Variants in CA7 observed in about 807,000 individuals in gnomAD.
CA7 encodes carbonate dehydratase VII.
A neutral mutation model predicts 31.4 loss-of-function variants in CA7; 13 were observed. The observed-to-expected ratio is 0.41, with a 90% CI of 0.27 to 0.66. The LOEUF (loss-of-function observed/expected upper bound fraction) is 0.66. Ranked by LOEUF, CA7 falls within the 30% of genes least tolerant of loss-of-function variation. CA7 has a pLI of 0.28. For missense variants in CA7, 215 were observed against 351.0 expected (o/e 0.61, Z 3.10); for synonymous variants, 128 against 133.2 (o/e 0.96, Z 0.27).
intron 5 of CA7, among the ~76,000 whole-genome samples, chr16:66,852,113 A>G (rs981471078): frequency 1.3e-5 from 2 of 152,120 alleles, no homozygotes; most frequent in African/African-American, 2.4e-5. Context: ...GATCACAGAC[A>G]TTTGCTCACA....
rs1442932279 is a variant in CA7 at position 66,846,510 on chromosome 16, C to T, written c.41-520C>T. 2.6e-5 allele frequency among the ~76,000 whole-genome samples: 4 copies of T among 152,186 alleles called. No homozygotes were observed. The East Asian group carries it at 7.7e-4, about 29-fold the overall frequency. ...CATGCACACATGTGTGAGTGGCCCT[C>T]AGTTCCCTCATCTGTGAAATGGGGA... On this transcript the variant is annotated intron_variant, in intron 1 of 6. Coordinates refer to ENST00000338437, the MANE Select transcript of CA7 (RefSeq NM_005182.3).
At chr16:66,849,619 T>C (rs778775417) in intron 2 of CA7, among the ~76,000 whole-genome samples, 2 of 152,160 alleles carry the variant, frequency 1.3e-5, no homozygotes, top group African/African-American at 2.4e-5. Flanking sequence ...GTTTCAGACA[T>C]GGTAGGCCTA....
chr16:66,853,643 C>T lies in CA7; in HGVS notation c.*145C>T. 9.4e-7 allele frequency: 1 copy of T among 1,066,972 alleles called. No individual in the cohort carries two copies. The highest frequency in any genetic ancestry group is 1.6e-5 in the South Asian group (1 of 63,230). 66.1% of individuals were successfully genotyped at this position (1,066,972 alleles called of 1,614,324 possible). On this transcript the variant is annotated 3_prime_UTR_variant, in exon 7 of 7. Transcript: ENST00000338437. The surrounding 1 kb of genome is among the most constrained non-coding windows in gnomAD (Gnocchi z 4.5). ...GTTTGCTCCTTGGTCACCCTGGAGG[C>T]TTCTGGATGGGACCCTTGAGTCTGG...
chr16:66,851,558 G>C lies in CA7; in HGVS notation c.453G>C (p.Glu151Asp). 6.2e-7 allele frequency: 1 copy of C among 1,614,058 alleles called. No individual in the cohort carries two copies. The highest frequency in any genetic ancestry group is 8.5e-7 in the Non-Finnish European group (1 of 1,179,962). Residue 151 changes from glutamate (E) to aspartate (D), a missense_variant and splice_region_variant, in exon 4 of 7, where the codon GAG becomes GAC. Transcript: ENST00000338437. ...DGLAVVGVFL[E>D]TGDEHPSMNR... ...TGGCTGTGGTTGGTGTTTTTTTGGA[G>C]GTGAGTGGTGGTTTGCTGGGGCCTG... is the stretch of plus-strand genomic sequence containing the variant.
chr16:66,846,707 G>A (rs533065490), intron 1 of CA7, among the ~76,000 whole-genome samples: 210 of 152,322 alleles, frequency 1.4e-3, no homozygotes, highest in Admixed American at 3.9e-3. Context: ...GACTTCAGAT[G>A]TCTGGAGGTC....
Position 66,853,032 on chromosome 16 carries a change from T to A in CA7, c.672+165T>A, listed in dbSNP as rs778053003. 3.3e-5 allele frequency among the ~76,000 whole-genome samples: 5 copies of A among 152,220 alleles called. No homozygotes were observed. Among genetic ancestry groups the A allele is most frequent in the Non-Finnish European group, 7.3e-5 (5 of 68,048 alleles). On this transcript the variant is annotated intron_variant, in intron 6 of 6. Coordinates refer to ENST00000338437, the MANE Select transcript of CA7 (RefSeq NM_005182.3). The surrounding 1 kb of genome is among the most constrained non-coding windows in gnomAD (Gnocchi z 4.5). ...ATTCTTGGTTGGGAGTTAGCTTGAT[T>A]GTTAATCACCAGAACCTAGACACTG...
Position 66,847,084 on chromosome 16 carries a change from C to G in CA7, c.95C>G (p.Pro32Arg), listed in dbSNP as rs1354770756. 6.2e-7 allele frequency: 1 copy of G among 1,614,090 alleles called. No homozygotes were observed. Among genetic ancestry groups the G allele is most frequent in the Non-Finnish European group, 8.5e-7 (1 of 1,180,036 alleles). Residue 32 changes from proline to arginine, a missense_variant, in exon 2 of 7, where the codon CCC becomes CGC. Transcript: ENST00000338437. ...YPIAQGDRQSPINIISSQAVY... is the reference protein window; with the variant it reads ...YPIAQGDRQSRINIISSQAVY... ...ATTGCCCAGGGAGATCGCCAATCAC[C>G]CATCAATATCATCTCCAGCCAGGCT... is the stretch of plus-strand genomic sequence containing the variant.
chr16:66,850,614 T>C lies in CA7; in HGVS notation c.312T>C (p.Asp104=), dbSNP rs566154206. Residue 104 remains aspartate, a synonymous_variant, in exon 3 of 7, where the codon GAT becomes GAC. Transcript: ENST00000338437. The part of the protein sequence containing the change: ...QFHFHWGKKH[D]VGSEHTVDGK... ...ACTTCCACTGGGGCAAGAAGCACGATGTGGGTTCTGAGCACACGGTGGACG... is the reference window on the plus strand; with the variant it reads ...ACTTCCACTGGGGCAAGAAGCACGACGTGGGTTCTGAGCACACGGTGGACG... The C allele has an allele frequency of 8.7e-6, 14 of 1,614,034 alleles. No homozygotes were observed. The East Asian group carries it at 2.7e-4, about 31-fold the overall frequency.
rs774801402 is a variant in CA7, at chr16:66,851,691, C to T, written c.481C>T (p.Arg161Cys). 6 of 1,613,992 alleles carry T rather than the reference C, an allele frequency of 3.7e-6. No homozygotes were observed. The highest frequency in any genetic ancestry group is 1.3e-5 in the African/African-American group (1 of 74,926). The part of the protein sequence containing the change: ...ETGDEHPSMN[R>C]LTDALYMVRF... ...AGGAGACGAGCACCCCAGCATGAAT[C>T]GTCTGACAGATGCGCTCTACATGGT... Residue 161 changes from arginine (R) to cysteine (C), a missense_variant, in exon 5 of 7, where the codon CGT (arginine) becomes TGT (cysteine). By Grantham distance (180) the Arg-to-Cys change is radical (BLOSUM62 -3). Transcript: ENST00000338437.
Position 66,844,543 on chromosome 16 carries a change from C to A in CA7, c.40+16C>A, listed in dbSNP as rs1184462861. 2.6e-6 allele frequency: 4 copies of A among 1,538,498 alleles called. No individual in the cohort carries two copies. In the Admixed American group the frequency reaches 8.0e-5, roughly 31 times the overall value. Reference sequence around the variant, plus strand: ...CAGGACGACGGTAGGCACAGACCTCCCCCACCGCCTCTGGCTCGGACCCCC... The same window carrying A: ...CAGGACGACGGTAGGCACAGACCTCACCCACCGCCTCTGGCTCGGACCCCC... On this transcript the variant is annotated intron_variant, in intron 1 of 6. Coordinates refer to ENST00000338437, the MANE Select transcript of CA7 (RefSeq NM_005182.3).
intron 1 of CA7, among the ~76,000 whole-genome samples, chr16:66,845,711 C>T (rs1960915973): frequency 6.6e-6 from 1 of 152,156 alleles, no homozygotes; most frequent in Non-Finnish European, 1.5e-5. Flanking sequence ...CTCTGAGCCA[C>T]CTTTTGGGTG....
intron 2 of CA7, 103 bp downstream of exon 2, chr16:66,847,330 G>A (rs943038006): frequency 9.9e-7 from 1 of 1,006,074 alleles, no homozygotes; most frequent in Admixed American, 2.0e-5. Flanking sequence ...GGTAAGAAAG[G>A]TTCCTCCTCT....
rs1305740566 is a variant in CA7 at position 66,844,620 on chromosome 16, G to A, written c.40+93G>A. Reference sequence around the variant, plus strand: ...CTTGCCCAGCTGGTTTCCCAGACCGGAAAGCTCCCACACTCCAGGCTGGGC... The same window carrying A: ...CTTGCCCAGCTGGTTTCCCAGACCGAAAAGCTCCCACACTCCAGGCTGGGC... On this transcript the variant is annotated intron_variant, in intron 1 of 6. Coordinates refer to ENST00000338437, the MANE Select transcript of CA7 (RefSeq NM_005182.3). 7.0e-6 allele frequency: 8 copies of A among 1,141,626 alleles called. No homozygotes were observed. The African/African-American group carries it at 1.3e-4, about 18-fold the overall frequency. 70.7% of individuals were successfully genotyped at this position (1,141,626 alleles called of 1,614,324 possible).
In CA7 at chr16:66,853,698, A is replaced by G. The variant is rs1011046626; in HGVS notation, c.*200A>G. On this transcript the variant is annotated 3_prime_UTR_variant, in exon 7 of 7. Transcript: ENST00000338437. This position sits in a 1 kb window ranked among gnomAD's most constrained non-coding sequence, Gnocchi z 4.5. ...CCCTTCAGCTGCCCTGGGGACAGGA[A>G]GGACAGGAGCTAAGCAGGGTCCAAG... 9 of 645,600 alleles carry G rather than the reference A, an allele frequency of 1.4e-5. No homozygotes were observed. The African/African-American group carries it at 1.6e-4, about 12-fold the overall frequency. 40.0% of individuals were successfully genotyped at this position (645,600 alleles called of 1,614,324 possible).
chr16:66,851,041 C>T (rs966887915), intron 3 of CA7, among the ~76,000 whole-genome samples: 4 of 152,184 alleles, frequency 2.6e-5, no homozygotes, highest in African/African-American at 9.6e-5. Context: ...CACCTGGCTC[C>T]TTCATACCAC....
intron 5 of CA7, 22 bp from the exon 6 acceptor site, chr16:66,852,690 G>A (rs1377522828): frequency 6.2e-6 from 10 of 1,604,120 alleles, no homozygotes; most frequent in Non-Finnish European, 8.5e-6. Flanking sequence ...GCTGATTCCT[G>A]GGTTCCTCCA....
intron 1 of CA7, chr16:66,845,141 G>A (rs1960900932): frequency 1.0e-6 from 1 of 985,620 alleles, no homozygotes; most frequent in Non-Finnish European, 1.2e-6. Context: ...GGGAGCCCGT[G>A]GCCCACACCA....
intron 1 of CA7, chr16:66,844,874 G>C (rs1284660792): frequency 9.4e-7 from 1 of 1,068,238 alleles, no homozygotes; most frequent in Non-Finnish European, 1.1e-6. Flanking sequence ...GGTGGCCCAG[G>C]GCAGCGGGGG....
At chr16:66,850,731 G>C (rs887334194) in intron 3 of CA7, 72 bp downstream of exon 3, 7 of 1,136,960 alleles carry the variant, frequency 6.2e-6, no homozygotes, top group Non-Finnish European at 9.4e-6. Context: ...TCAGGGGCTT[G>C]AGGATGCCTG....
Sources: gnomAD v4.1 joint callset for allele counts (sites outside exome capture counted in the v4.1 genomes callset) on GRCh38, gnomAD v4.1.1 for gene constraint, Gnocchi (gnomAD v3.1) non-coding constraint, MANE v1.5 for transcripts, NCBI Gene and HGNC (gene_info 2026-07-23, HGNC 2026-07-21) for gene names.